The following SMG7 variants were observed in gnomAD, a reference collection of about 807,000 sequenced individuals.
SMG7 encodes SMG7 nonsense mediated mRNA decay factor, also known as nonsense-mediated mRNA decay factor SMG7.
A neutral mutation model predicts 148.2 loss-of-function variants in SMG7; 34 were observed. The ratio of observed to expected loss-of-function variants is 0.23; its 90% CI spans 0.17 to 0.31. The LOEUF (loss-of-function observed/expected upper bound fraction) is 0.31. SMG7 is among the 10% of genes least tolerant of loss of function. The probability of loss-of-function intolerance (pLI) is 1.00; values close to 1 mark genes in which losing one functional copy is unlikely to be tolerated. For missense variants in SMG7, 1,114 were observed against 1,408.4 expected (o/e 0.79, Z 3.35); for synonymous variants, 492 against 515.1 (o/e 0.96, Z 0.61).
intron 1 of SMG7, among the ~76,000 whole-genome samples, chr1:183,487,495 A>G (rs372408243): frequency 6.6e-6 from 1 of 152,352 alleles, no homozygotes; most frequent in Admixed American, 6.5e-5. Context: ...GGATGTGGAC[A>G]TCTCTAAGGA....
At chr1:183,480,666 C>T (rs1034360954) in intron 1 of SMG7, among the ~76,000 whole-genome samples, 2 of 152,134 alleles carry the variant, frequency 1.3e-5, no homozygotes, top group Non-Finnish European at 2.9e-5. Context: ...CAAGTAAGTA[C>T]TCAATTACCA....
intron 1 of SMG7, among the ~76,000 whole-genome samples, chr1:183,493,402 C>CT (rs1657561578): frequency 6.6e-6 from 1 of 152,104 alleles, no homozygotes; most frequent in African/African-American, 2.4e-5. Context: ...ACTTCTATGA[C>CT]TTTAATTCTT....
chr1:183,513,784 C>T (rs1662755224), intron 2 of SMG7, among the ~76,000 whole-genome samples: 1 of 152,022 alleles, frequency 6.6e-6, no homozygotes, highest in African/African-American at 2.4e-5. Flanking sequence ...AATCCCAGCA[C>T]TTTTGGAAGC....
chr1:183,546,021 C>G lies in SMG7; in HGVS notation c.2426C>G (p.Pro809Arg). Residue 809 changes from proline (P) to arginine (R), a missense_variant, in exon 17 of 23, where the codon CCA becomes CGA. Physicochemically the swap from Pro to Arg is moderately radical, Grantham distance 103. Around this residue, in one of 4 missense-constraint regions of SMG7, gnomAD observed 788 missense variants for 894.5 expected, o/e 0.88. Transcript: ENST00000688051. ...TGGAATCCCCCTCAGGTTCAAGGCC[C>G]ATTAGGGAAAATTATGCCTGTGAAA... ...QLWNPPQVQG[P>R]LGKIMPVKQP... The G allele has an allele frequency of 6.2e-7, 1 of 1,613,832 alleles. No homozygotes were observed. Among genetic ancestry groups the G allele is most frequent in the South Asian group, 1.1e-5 (1 of 91,050 alleles).
intron 1 of SMG7, among the ~76,000 whole-genome samples, chr1:183,506,315 A>G (rs532222212): frequency 1.3e-5 from 2 of 152,278 alleles, no homozygotes; most frequent in African/African-American, 4.8e-5. Context: ...TGTAAAGAGA[A>G]AGCAAATTAG....
At chr1:183,541,185 C>T (rs1668775528) in intron 13 of SMG7, 82 bp downstream of exon 13, 1 of 1,219,512 alleles carries the variant, frequency 8.2e-7, no homozygotes. Flanking sequence ...CGCACACACA[C>T]ACATCTCATA....
At position 183,551,989 on chromosome 1, in the gene SMG7, A is replaced by C; in HGVS notation, c.*58A>C. ...ATAAACCATGGCATGTTGGGTTTGC[A>C]GGACTGGCCCACACAGTCCCCTGCA... On this transcript the variant is annotated 3_prime_UTR_variant, in exon 23 of 23. Transcript: ENST00000688051. 6.3e-7 allele frequency: 1 copy of C among 1,588,458 alleles called. No homozygotes were observed.
At chr1:183,522,613 A>C (rs1664994197) in intron 4 of SMG7, among the ~76,000 whole-genome samples, 1 of 152,146 alleles carries the variant, frequency 6.6e-6, no homozygotes, top group South Asian at 2.1e-4. Flanking sequence ...TTTTTTCTCA[A>C]TATTATATAA....
chr1:183,473,852 C>T, intron 1 of SMG7: 1 of 985,336 alleles, frequency 1.0e-6, no homozygotes, highest in Non-Finnish European at 1.2e-6. Flanking sequence ...TGTTTAGTGA[C>T]ATGAAAGTAT....
chr1:183,550,908 A>C lies in SMG7; in HGVS notation c.3291A>C (p.Lys1097Asn), dbSNP rs143179218. The C allele has an allele frequency of 3.4e-4, 547 of 1,612,916 alleles. 2 individuals are homozygous for C. The African/African-American group carries it at 6.6e-3, about 19-fold the overall frequency. ...ATAGAAGGACTGCAGATCGGTGGAA[A>C]ACTGATAAGCCAGGTGAGATCTACA... ...NRDRRTADRW[K>N]TDKPAMGGFG... The change falls in exon 21 of 23, where the codon AAA becomes AAC. Residue 1097 changes from lysine (K) to asparagine (N), a missense_variant. Physicochemically the swap from Lys to Asn is moderately conservative, Grantham distance 94. Coordinates refer to ENST00000688051, the MANE Select transcript of SMG7 (RefSeq NM_001375584.1).
chr1:183,473,674 G>A (rs1651364543), intron 1 of SMG7: 1 of 891,988 alleles, frequency 1.1e-6, no homozygotes, highest in Non-Finnish European at 1.3e-6. Flanking sequence ...AGTGACTACT[G>A]CTTAGAAAAG....
At chr1:183,506,960 C>G (rs1661061453) in intron 1 of SMG7, among the ~76,000 whole-genome samples, 1 of 146,170 alleles carries the variant, frequency 6.8e-6, no homozygotes, top group South Asian at 2.2e-4. Flanking sequence ...CTCGCTGCAA[C>G]CTACGCCCCC....
intron 1 of SMG7, chr1:183,502,370 A>G (rs1194163024): frequency 6.5e-7 from 1 of 1,534,448 alleles, no homozygotes; most frequent in Non-Finnish European, 8.7e-7. Context: ...TCAGAGGAGC[A>G]TCTGAAATCA....
chr1:183,472,677 AG>A, intron 1 of SMG7, 28 bp downstream of exon 1: 2 of 1,458,852 alleles, frequency 1.4e-6, no homozygotes, highest in Admixed American at 2.4e-5. Flanking sequence ...GCTGGTACGT[AG>A]GGGGAGCGGG....
At chr1:183,524,931 T>A (rs1422932830) in intron 4 of SMG7, among the ~76,000 whole-genome samples, 1 of 152,198 alleles carries the variant, frequency 6.6e-6, no homozygotes, top group Non-Finnish European at 1.5e-5. Flanking sequence ...TCTACTTCTC[T>A]TTTTGTACCT....
intron 5 of SMG7, 26 bp downstream of exon 5, chr1:183,526,793 A>G: frequency 6.3e-7 from 1 of 1,579,982 alleles, no homozygotes; most frequent in Non-Finnish European, 8.6e-7. Context: ...GAAGGAATTG[A>G]TAATATGTTC....
Position 183,552,425 on chromosome 1 carries a change from CACTG to C in SMG7, c.*496_*499del. 1 of 990,648 alleles carries C rather than the reference CACTG, an allele frequency of 1.0e-6. No individual in the cohort carries two copies. The allele number at this position is 990,648 out of a possible 1,614,324, so 61.4% of individuals were successfully genotyped here. On this transcript the variant is annotated 3_prime_UTR_variant, in exon 23 of 23. Transcript: ENST00000688051. ...TATTACTCTCAGTAGTAAAATATCA[CACTG>C]AATTCTTCCATACACAGGTGTGCTT...
intron 10 of SMG7, 91 bp from the exon 11 acceptor site, chr1:183,537,054 C>A: frequency 1.2e-6 from 1 of 863,094 alleles, no homozygotes; most frequent in Non-Finnish European, 2.0e-6. Context: ...TACATAAAGT[C>A]CAGGACCTAT....
chr1:183,514,744 A>G (rs1414217346), intron 2 of SMG7, among the ~76,000 whole-genome samples: 1 of 152,222 alleles, frequency 6.6e-6, no homozygotes, highest in African/African-American at 2.4e-5. Flanking sequence ...TTTTCTTGCC[A>G]TAAGTGAATT....
Sources: gnomAD v4.1 joint callset for allele counts (sites outside exome capture counted in the v4.1 genomes callset) on GRCh38, gnomAD v4.1.1 for gene constraint, gnomAD v4.1.1 regional missense constraint, MANE v1.5 for transcripts, NCBI Gene and HGNC (gene_info 2026-07-23, HGNC 2026-07-21) for gene names.